Variants in AKR1C8 observed in about 807,000 individuals in gnomAD.
AKR1C8 encodes aldo-keto reductase family 1 member C8, also known as aldo-keto reductase family 1 member C-like protein 1.
chr10:5,183,412 A>T, the AKR1C8 span, among the ~76,000 whole-genome samples: 7 of 152,186 alleles, frequency 4.6e-5, no homozygotes, highest in African/African-American at 1.7e-4. Flanking sequence ...ACAACCTCAG[A>T]ATTTTTAAAC....
chr10:5,128,622 T>C, the AKR1C8 span, among the ~76,000 whole-genome samples: 15 of 151,930 alleles, frequency 9.9e-5, no homozygotes, highest in Admixed American at 7.2e-4. Flanking sequence ...ACCAAAAGTA[T>C]TCAGGAGTTG....
chr10:5,163,423 A>T, the AKR1C8 span, among the ~76,000 whole-genome samples: 1 of 152,208 alleles, frequency 6.6e-6, no homozygotes, highest in Non-Finnish European at 1.5e-5. Context: ...ACATTGTTCT[A>T]TCATTTTTAG....
At chr10:5,179,097 G>T in the AKR1C8 span, among the ~76,000 whole-genome samples, 2,734 of 152,014 alleles carry the variant, frequency 0.018, 80 homozygotes, top group African/African-American at 0.062. Flanking sequence ...AATTTGGCAT[G>T]ATTTTGCAGT....
the AKR1C8 span, among the ~76,000 whole-genome samples, chr10:5,145,905 T>C: frequency 2.0e-5 from 3 of 152,110 alleles, no homozygotes; most frequent in Non-Finnish European, 2.9e-5. Context: ...GCACATATGT[T>C]TATTGCGGCA....
chr10:5,147,272 A>G, the AKR1C8 span, among the ~76,000 whole-genome samples: 1 of 152,136 alleles, frequency 6.6e-6, no homozygotes, highest in Non-Finnish European at 1.5e-5. Context: ...ATCTGTCCCA[A>G]TGACCATAAC....
At chr10:5,145,942 C>A in the AKR1C8 span, among the ~76,000 whole-genome samples, 4,789 of 151,960 alleles carry the variant, frequency 0.032, 257 homozygotes, top group African/African-American at 0.11. Context: ...AGACTTGGAA[C>A]CAACCCAAAT....
chr10:5,126,158 T>A, the AKR1C8 span, among the ~76,000 whole-genome samples: 1 of 151,938 alleles, frequency 6.6e-6, no homozygotes, highest in Non-Finnish European at 1.5e-5. Flanking sequence ...GGAGAAGGGG[T>A]CTTCTTTCCC....
chr10:5,147,637 T>C, the AKR1C8 span, among the ~76,000 whole-genome samples: 1 of 152,092 alleles, frequency 6.6e-6, no homozygotes, highest in Non-Finnish European at 1.5e-5. Flanking sequence ...CAAGATAATT[T>C]CTGGTGACTT....
chr10:5,154,563 T>G, the AKR1C8 span: 1 of 169,476 alleles, frequency 5.9e-6, no homozygotes, highest in Non-Finnish European at 1.3e-5. Context: ...AGTAAGACAA[T>G]GCATTCACAG....
At chr10:5,158,611 T>A in the AKR1C8 span, 47 of 477,418 alleles carry the variant, frequency 9.8e-5, no homozygotes, top group Non-Finnish European at 1.9e-4. Flanking sequence ...ACTGTGGGTC[T>A]CTTTGGGATC....
chr10:5,170,736 C>T, the AKR1C8 span, among the ~76,000 whole-genome samples: 1 of 152,052 alleles, frequency 6.6e-6, no homozygotes, highest in Non-Finnish European at 1.5e-5. Context: ...AAGTTTGATT[C>T]CTTAAAGGAA....
the AKR1C8 span, chr10:5,158,787 A>G: frequency 2.2e-6 from 1 of 464,318 alleles, no homozygotes; most frequent in East Asian, 7.0e-5. Context: ...GGTCTGAAGG[A>G]ATGTGTAATA....
At chr10:5,147,562 G>C in the AKR1C8 span, among the ~76,000 whole-genome samples, 1 of 152,132 alleles carries the variant, frequency 6.6e-6, no homozygotes, top group Non-Finnish European at 1.5e-5. Flanking sequence ...TGTGGGTAAA[G>C]TCAGGAGAAA....
At chr10:5,118,420 G>C in the AKR1C8 span, among the ~76,000 whole-genome samples, 17 of 124,492 alleles carry the variant, frequency 1.4e-4, no homozygotes, top group Admixed American at 3.9e-4. Flanking sequence ...TCTGTGAAAT[G>C]GGAGTCTTAT....
the AKR1C8 span, chr10:5,132,597 A>G: frequency 4.7e-5 from 73 of 1,557,560 alleles, no homozygotes; most frequent in Non-Finnish European, 6.0e-5. Flanking sequence ...TCATAGGCAC[A>G]GTACCTTTGA....
chr10:5,132,658 A>C, the AKR1C8 span: 2 of 1,591,630 alleles, frequency 1.3e-6, no homozygotes, highest in East Asian at 2.2e-5. Context: ...ATCTTGCTTC[A>C]GATGGCCAGT....
chr10:5,171,079 G>A, the AKR1C8 span, among the ~76,000 whole-genome samples: 1 of 152,142 alleles, frequency 6.6e-6, no homozygotes, highest in Non-Finnish European at 1.5e-5. Context: ...AATTTATGCA[G>A]CTAATTCCTG....
At chr10:5,139,979 G>A in the AKR1C8 span, among the ~76,000 whole-genome samples, 1 of 152,088 alleles carries the variant, frequency 6.6e-6, no homozygotes, top group Non-Finnish European at 1.5e-5. Context: ...ATCAAAAAGT[G>A]GGCAAAGGAC....
At chr10:5,145,286 G>T in the AKR1C8 span, among the ~76,000 whole-genome samples, 1 of 152,082 alleles carries the variant, frequency 6.6e-6, no homozygotes, top group African/African-American at 2.4e-5. Context: ...ATAGGCATGG[G>T]CAAGGACTTC....
Sources: allele counts gnomAD v4.1 joint callset (sites outside exome capture counted in the v4.1 genomes callset), GRCh38; gene constraint gnomAD v4.1.1; transcripts MANE v1.5; gene names NCBI Gene and HGNC (gene_info 2026-07-23, HGNC 2026-07-21).